The following QKI variants were observed in gnomAD, a reference collection of about 807,000 sequenced individuals.
QKI encodes QKI, KH domain containing RNA binding, also known as KH domain-containing RNA-binding protein QKI.
A neutral mutation model predicts 39.0 loss-of-function variants in QKI; 10 were observed. That is an observed-to-expected ratio of 0.26 (90% CI 0.16 to 0.43). QKI has a LOEUF of 0.43. Among genes scored for constraint, QKI ranks in the 20% least tolerant of loss-of-function variants. The pLI, the probability that QKI is intolerant of heterozygous loss-of-function variation, is 1.00. For missense variants in QKI, 218 were observed against 428.0 expected (o/e 0.51, Z 4.33); for synonymous variants, 204 against 155.4 (o/e 1.31, Z -2.33).
chr6:163,463,356 T>C (rs1791482247), intron 2 of QKI, among the ~76,000 whole-genome samples: 1 of 152,194 alleles, frequency 6.6e-6, no homozygotes, highest in Admixed American at 6.5e-5. Context: ...TGTGCAGTGG[T>C]GTTTCGAGGA....
At chr6:163,422,077 T>C (rs757735332) in intron 1 of QKI, among the ~76,000 whole-genome samples, 10 of 152,194 alleles carry the variant, frequency 6.6e-5, no homozygotes, top group Non-Finnish European at 1.3e-4. Flanking sequence ...CTAAACTGTT[T>C]ATTACTGTGC....
chr6:163,462,791 C>G (rs957455826), intron 2 of QKI, among the ~76,000 whole-genome samples: 2 of 152,008 alleles, frequency 1.3e-5, no homozygotes, highest in African/African-American at 4.8e-5. Context: ...AGCCACAATC[C>G]TGGTATGGAA....
intron 3 of QKI, among the ~76,000 whole-genome samples, chr6:163,508,570 C>A (rs569347280): frequency 7.8e-4 from 115 of 148,036 alleles, no homozygotes; most frequent in African/African-American, 2.7e-3. Flanking sequence ...ACTCTTGTTG[C>A]CCAGGCTGGA....
chr6:163,490,505 C>A (rs1036607931), intron 3 of QKI, among the ~76,000 whole-genome samples: 3 of 151,960 alleles, frequency 2.0e-5, no homozygotes, highest in African/African-American at 7.3e-5. Context: ...TAGGAGTTTA[C>A]CAGGCAAATA....
At chr6:163,469,736 T>A (rs73015390) in intron 2 of QKI, among the ~76,000 whole-genome samples, 10 of 152,310 alleles carry the variant, frequency 6.6e-5, no homozygotes, top group Non-Finnish European at 1.2e-4. Flanking sequence ...GAAGTGAAAT[T>A]TAATGTAATC....
At chr6:163,447,242 G>T (rs1301284628) in intron 1 of QKI, among the ~76,000 whole-genome samples, 2 of 141,878 alleles carry the variant, frequency 1.4e-5, no homozygotes, top group African/African-American at 5.4e-5. Flanking sequence ...TTTATGAGGT[G>T]CACGTGATTT....
intron 4 of QKI, among the ~76,000 whole-genome samples, chr6:163,540,726 T>C (rs1284817219): frequency 1.3e-5 from 2 of 152,152 alleles, no homozygotes; most frequent in Non-Finnish European, 2.9e-5. Context: ...GACACCAGTT[T>C]AGTTTCAGAT....
rs1783667579 is a variant in QKI, at chr6:163,570,893, GC to G, written c.*184del. The G allele has an allele frequency of 1.5e-6, 1 of 669,484 alleles. No homozygotes were observed. The highest frequency in any genetic ancestry group is 3.3e-5 in the East Asian group (1 of 30,690). 41.5% of individuals were successfully genotyped at this position (669,484 alleles called of 1,614,324 possible). On this transcript the variant is annotated 3_prime_UTR_variant, in exon 8 of 8. Transcript: ENST00000361752. ...AAAGAAATTGTTGTCCTCCAACTCA[GC>G]TTTTTTTTTTTTTTTTTCCTGTTTG...
At chr6:163,570,282 G>A (rs1783623833) in intron 7 of QKI, 1 of 982,974 alleles carries the variant, frequency 1.0e-6, no homozygotes, top group Non-Finnish European at 1.2e-6. Context: ...GCATCTTAGA[G>A]AATACTAATG....
chr6:163,549,079 T>TG (rs1255696298), intron 4 of QKI, among the ~76,000 whole-genome samples: 2 of 152,066 alleles, frequency 1.3e-5, no homozygotes, highest in African/African-American at 4.8e-5. Context: ...TCCACATGGC[T>TG]GGGGAGGCCT....
chr6:163,560,578 CAG>C (rs1294454898), intron 4 of QKI, among the ~76,000 whole-genome samples: 8 of 152,070 alleles, frequency 5.3e-5, no homozygotes, highest in African/African-American at 1.7e-4. Context: ...GGAATATGCA[CAG>C]AGATGAATGG....
At chr6:163,451,558 A>C (rs748671591) in intron 1 of QKI, among the ~76,000 whole-genome samples, 11 of 152,206 alleles carry the variant, frequency 7.2e-5, no homozygotes, top group Non-Finnish European at 1.3e-4. Flanking sequence ...CAAATTTATA[A>C]TATTTAAGAT....
chr6:163,435,667 C>T (rs549829283), intron 1 of QKI, among the ~76,000 whole-genome samples: 3 of 152,200 alleles, frequency 2.0e-5, no homozygotes, highest in African/African-American at 7.2e-5. Flanking sequence ...TGGTTTTTAA[C>T]ATTTTAGTAG....
At chr6:163,552,677 A>G (rs559551813) in intron 4 of QKI, among the ~76,000 whole-genome samples, 4 of 152,218 alleles carry the variant, frequency 2.6e-5, no homozygotes, top group South Asian at 2.1e-4. Flanking sequence ...GCGTACTCAT[A>G]TATGTTTTCT....
At chr6:163,519,709 T>C (rs1365516280) in intron 3 of QKI, among the ~76,000 whole-genome samples, 1 of 152,138 alleles carries the variant, frequency 6.6e-6, no homozygotes, top group Non-Finnish European at 1.5e-5. Flanking sequence ...TCTCCAATTA[T>C]AATGATTACT....
At chr6:163,500,618 C>T (rs552349276) in intron 3 of QKI, among the ~76,000 whole-genome samples, 4 of 152,182 alleles carry the variant, frequency 2.6e-5, no homozygotes, top group African/African-American at 7.2e-5. Context: ...GTTCTTCCTA[C>T]AGAATTTTAC....
At chr6:163,415,659 C>T (rs1787394101) in intron 1 of QKI, among the ~76,000 whole-genome samples, 1 of 151,628 alleles carries the variant, frequency 6.6e-6, no homozygotes, top group Admixed American at 6.6e-5. Context: ...GAGAGGTCGG[C>T]GGGGGCTGCG....
chr6:163,504,093 G>A (rs1169805138), intron 3 of QKI, among the ~76,000 whole-genome samples: 1 of 151,764 alleles, frequency 6.6e-6, no homozygotes, highest in Admixed American at 6.6e-5. Flanking sequence ...ATTCTTCTGT[G>A]TGTGGCTAGC....
At chr6:163,521,100 A>C in intron 3 of QKI, among the ~76,000 whole-genome samples, 1 of 151,946 alleles carries the variant, frequency 6.6e-6, no homozygotes, top group East Asian at 1.9e-4. Context: ...TGAAGAAAGA[A>C]CTCCATTTAA....
Sources: allele counts gnomAD v4.1 joint callset (sites outside exome capture counted in the v4.1 genomes callset), GRCh38; gene constraint gnomAD v4.1.1; transcripts MANE v1.5; gene names NCBI Gene and HGNC (gene_info 2026-07-23, HGNC 2026-07-21).